Variants in RUNX1T1 observed in about 807,000 individuals in gnomAD.
RUNX1T1 encodes the protein protein CBFA2T1.
A neutral mutation model predicts 62.8 loss-of-function variants in RUNX1T1; 4 were observed. The ratio of observed to expected loss-of-function variants is 0.06; its 90% CI spans 0.03 to 0.15. RUNX1T1 has a LOEUF of 0.15. Among genes scored for constraint, RUNX1T1 ranks in the 10% least tolerant of loss-of-function variants. The pLI is 1.00. For missense variants in RUNX1T1, 508 were observed against 754.3 expected, an observed-to-expected ratio of 0.67 and a Z score of 3.82; for synonymous variants, 291 against 286.0, an observed-to-expected ratio of 1.02 and a Z score of -0.18.
At chr8:91,989,779 T>C (rs1262539955) in intron 6 of RUNX1T1, among the ~76,000 whole-genome samples, 1 of 152,078 alleles carries the variant, frequency 6.6e-6, no homozygotes, top group African/African-American at 2.4e-5. Flanking sequence ...TAGAAGGGAG[T>C]TGTTATCACA....
At chr8:92,004,926 T>C in intron 5 of RUNX1T1, 190 bp downstream of exon 6, 1 of 536,092 alleles carries the variant, frequency 1.9e-6, no homozygotes, top group Admixed American at 3.8e-5. Context: ...AGCCAAACTG[T>C]CCCAGGCCAG....
At chr8:92,051,417 A>G (rs1042448741) in intron 1 of RUNX1T1, among the ~76,000 whole-genome samples, 3 of 152,172 alleles carry the variant, frequency 2.0e-5, no homozygotes, top group Non-Finnish European at 4.4e-5. Flanking sequence ...AAAGTAGTAC[A>G]TGGTTTCAAA....
upstream of RUNX1T1, among the ~76,000 whole-genome samples, chr8:92,102,423 GAAAA>G (rs1020530151): frequency 5.0e-5 from 5 of 100,432 alleles, no homozygotes; most frequent in African/African-American, 1.4e-4. This position sits in a 1 kb window ranked among gnomAD's most constrained non-coding sequence, Gnocchi z 4.5. Context: ...AAAAAGAAAA[GAAAA>G]AAAAAAAAAA....
chr8:92,011,071 T>C (rs1460718211), exon 4 of RUNX1T1: 4 of 1,605,310 alleles, frequency 2.5e-6, no homozygotes, highest in Non-Finnish European at 3.4e-6. Flanking sequence ...AATGAAATTC[T>C]TCAATTGTCA....
At chr8:92,043,735 G>T (rs555318001) in intron 1 of RUNX1T1, among the ~76,000 whole-genome samples, 1 of 152,142 alleles carries the variant, frequency 6.6e-6, no homozygotes, top group African/African-American at 2.4e-5. Flanking sequence ...CCAGCACTCT[G>T]GTAGGCTGAG....
chr8:92,005,322 A>T, intron 4 of RUNX1T1, 25 bp from the exon 6 acceptor site: 2 of 1,602,960 alleles, frequency 1.2e-6, no homozygotes, highest in Non-Finnish European at 1.7e-6. Context: ...CAGGAATGAG[A>T]GGACGGACTG....
At chr8:92,013,471 T>A (rs1822375783) in intron 3 of RUNX1T1, among the ~76,000 whole-genome samples, 1 of 152,236 alleles carries the variant, frequency 6.6e-6, no homozygotes, top group South Asian at 2.1e-4. Context: ...GAAACTTCTT[T>A]TGCAAAACAC....
intron 10 of RUNX1T1, among the ~76,000 whole-genome samples, chr8:91,963,397 T>C (rs1385688407): frequency 2.0e-5 from 3 of 152,260 alleles, no homozygotes; most frequent in Non-Finnish European, 2.9e-5. Context: ...TTGCAGTGAA[T>C]GTGTAGGGAA....
At chr8:92,095,182 C>G (rs1725810239) in intron 1 of RUNX1T1, 2 of 1,535,166 alleles carry the variant, frequency 1.3e-6, no homozygotes, top group Admixed American at 3.9e-5. Flanking sequence ...CTAAGAGGAG[C>G]GACAGATAAC....
intron 10 of RUNX1T1, among the ~76,000 whole-genome samples, chr8:91,965,571 C>A (rs780595190): frequency 4.6e-5 from 7 of 152,128 alleles, no homozygotes; most frequent in Non-Finnish European, 1.0e-4. Context: ...GCTTTGTGCT[C>A]CTATTTCAAC....
intron 5 of RUNX1T1, among the ~76,000 whole-genome samples, chr8:92,001,587 A>AT (rs1339620494): frequency 6.6e-6 from 1 of 152,230 alleles, no homozygotes; most frequent in Admixed American, 6.5e-5. Context: ...AAATAATGGC[A>AT]TATAAGAAGG....
chr8:92,027,070 C>G (rs1304903826), intron 1 of RUNX1T1, among the ~76,000 whole-genome samples: 1 of 147,334 alleles, frequency 6.8e-6, no homozygotes, highest in South Asian at 2.1e-4. Flanking sequence ...GAGTCGAGAT[C>G]GCGCCACTGC....
upstream of RUNX1T1, among the ~76,000 whole-genome samples, chr8:92,100,442 T>C (rs987899465): frequency 6.6e-6 from 1 of 152,186 alleles, no homozygotes; most frequent in African/African-American, 2.4e-5. Flanking sequence ...AAATATTTAA[T>C]AAAAAGTTAA....
chr8:92,019,983 A>G (rs1823774401), intron 1 of RUNX1T1, among the ~76,000 whole-genome samples: 1 of 152,220 alleles, frequency 6.6e-6, no homozygotes, highest in African/African-American at 2.4e-5. Flanking sequence ...TAGCCAGAAT[A>G]TATGTATATG....
chr8:92,033,795 C>A (rs950310078), intron 1 of RUNX1T1, among the ~76,000 whole-genome samples: 4 of 151,996 alleles, frequency 2.6e-5, no homozygotes, highest in Non-Finnish European at 4.4e-5. Flanking sequence ...TATGGTGAAA[C>A]CCCGTCTCCA....
chr8:92,102,556 T>C (rs1838089016), upstream of RUNX1T1, among the ~76,000 whole-genome samples: 1 of 152,020 alleles, frequency 6.6e-6, no homozygotes, highest in Non-Finnish European at 1.5e-5. This position sits in a 1 kb window ranked among gnomAD's most constrained non-coding sequence, Gnocchi z 4.5. Flanking sequence ...CCTGCTCGCA[T>C]ACCGTGACTA....
intron 1 of RUNX1T1, among the ~76,000 whole-genome samples, chr8:92,041,889 G>A (rs1485858925): frequency 1.3e-5 from 2 of 150,604 alleles, no homozygotes; most frequent in Non-Finnish European, 3.0e-5. Flanking sequence ...TGAGATCTCG[G>A]CTTACTGCAA....
At chr8:92,066,307 G>A (rs1414673965), upstream of RUNX1T1, among the ~76,000 whole-genome samples, 2 of 152,152 alleles carry the variant, frequency 1.3e-5, no homozygotes, top group Non-Finnish European at 2.9e-5. Context: ...AGATTTCTCC[G>A]CTTGCTTGTC....
intron 2 of RUNX1T1, among the ~76,000 whole-genome samples, chr8:92,016,981 A>G (rs1411400711): frequency 6.6e-6 from 1 of 152,198 alleles, no homozygotes; most frequent in African/African-American, 2.4e-5. Context: ...CTAAAATCAT[A>G]GCAGACTGCA....
Sources: allele counts gnomAD v4.1 joint callset (sites outside exome capture counted in the v4.1 genomes callset), GRCh38; gene constraint gnomAD v4.1.1; non-coding constraint Gnocchi (gnomAD v3.1); transcripts MANE v1.5; gene names NCBI Gene and HGNC (gene_info 2026-07-23, HGNC 2026-07-21).